The following CANX variants were observed in gnomAD, a reference collection of about 807,000 sequenced individuals.
The protein encoded by CANX is calnexin.
In CANX, 14 loss-of-function variants were observed where a neutral mutation model predicts 75.7. The observed-to-expected ratio is 0.19, with a 90% confidence interval of 0.12 to 0.29. The LOEUF is 0.29. CANX is among the 10% of genes least tolerant of loss of function. CANX has a pLI of 1.00. For missense variants in CANX, 567 were observed against 713.2 expected (o/e 0.79, Z 2.34); for synonymous variants, 227 against 236.9 (o/e 0.96, Z 0.38).
intron 7 of CANX, among the ~76,000 whole-genome samples, chr5:179,710,979 C>G (rs1336734879): frequency 6.6e-6 from 1 of 151,952 alleles, no homozygotes; most frequent in African/African-American, 2.4e-5. Flanking sequence ...TTACGTTAAC[C>G]CAGGAGGCAG....
chr5:179,682,302 C>T (rs1189428026), intron 1 of CANX, among the ~76,000 whole-genome samples: 8 of 150,910 alleles, frequency 5.3e-5, no homozygotes, highest in Non-Finnish European at 2.9e-5. Flanking sequence ...CCAGGCCGGG[C>T]ACGGTGGCTC....
rs749342610 is a variant in CANX, at chr5:179,705,659, A to G, written c.-3-20A>G. On this transcript the variant is annotated intron_variant, in intron 1 of 14. Coordinates refer to ENST00000247461, the MANE Select transcript of CANX (RefSeq NM_001746.4). ...TGATAGGTGGCAATACATTTAACTG[A>G]TTTTGCTCTTTATGTGTAGATCATG... is the stretch of plus-strand genomic sequence containing the variant. 1 of 1,595,272 alleles carries G rather than the reference A, an allele frequency of 6.3e-7. No individual in the cohort carries two copies. Among genetic ancestry groups the G allele is most frequent in the Non-Finnish European group, 8.6e-7 (1 of 1,166,232 alleles).
intron 1 of CANX, chr5:179,678,868 C>G (rs1251977504): frequency 1.3e-6 from 2 of 1,536,240 alleles, no homozygotes; most frequent in African/African-American, 2.7e-5. Context: ...GCGGCGACCG[C>G]GTCCTCGCCA....
At chr5:179,718,055 AGTACAGTGGTACG>A (rs1420745966) in intron 8 of CANX, among the ~76,000 whole-genome samples, 2 of 152,018 alleles carry the variant, frequency 1.3e-5, no homozygotes, top group Non-Finnish European at 2.9e-5. Flanking sequence ...CCCAGGTGGG[AGTACAGTGGTACG>A]GTCACGGCTC....
chr5:179,713,415 A>G (rs1165957772), intron 7 of CANX, among the ~76,000 whole-genome samples: 3 of 152,198 alleles, frequency 2.0e-5, no homozygotes, highest in Non-Finnish European at 4.4e-5. Flanking sequence ...TATTTAAGGT[A>G]TAGAAATTCA....
At chr5:179,709,748 C>CT (rs1475645906) in intron 6 of CANX, 125 bp from the exon 7 acceptor site, 2 of 591,002 alleles carry the variant, frequency 3.4e-6, no homozygotes, top group Non-Finnish European at 5.8e-6. Flanking sequence ...TTGTAGTTAG[C>CT]TTTTCCTTTA....
intron 14 of CANX, among the ~76,000 whole-genome samples, chr5:179,727,803 T>C (rs1778760870): frequency 6.6e-6 from 1 of 152,128 alleles, no homozygotes; most frequent in Non-Finnish European, 1.5e-5. Flanking sequence ...TGAGAACTAG[T>C]TGGAGATCTG....
chr5:179,695,505 T>C (rs1776381057), upstream of CANX, among the ~76,000 whole-genome samples: 1 of 151,176 alleles, frequency 6.6e-6, no homozygotes, highest in African/African-American at 2.4e-5. Context: ...AATTTTGTAT[T>C]TTTAGTAGAG....
upstream of CANX, among the ~76,000 whole-genome samples, chr5:179,693,548 C>T (rs1474382067): frequency 2.0e-5 from 3 of 152,124 alleles, no homozygotes; most frequent in African/African-American, 7.2e-5. Flanking sequence ...GTGGCACATG[C>T]CTGTAGTCCC....
chr5:179,699,184 G>A, intron 1 of CANX, 82 bp downstream of exon 1: 1 of 854,374 alleles, frequency 1.2e-6, no homozygotes, highest in South Asian at 4.8e-5. Context: ...GAGGGGTCGG[G>A]CGTGGCCGGC....
rs571792008 is a variant in CANX, at chr5:179,704,983, A to G, written c.-3-696A>G. On this transcript the variant is annotated intron_variant, in intron 1 of 14. Transcript: ENST00000247461. ...CATATTAAGCCTTAATATGAGAGGA[A>G]TTATCTTCTGTGTTAATTTTTTTTT... is the stretch of plus-strand genomic sequence containing the variant. Among the ~76,000 whole-genome samples the G allele has an allele frequency of 1.1e-4, 17 of 152,102 alleles. No individual in the cohort carries two copies. The South Asian group carries it at 2.1e-3, about 19-fold the overall frequency.
Position 179,708,312 on chromosome 5 carries a change from C to A in CANX, c.378C>A (p.Ala126=). 6.2e-7 allele frequency: 1 copy of A among 1,613,672 alleles called. No homozygotes were observed. Among genetic ancestry groups the A allele is most frequent in the Non-Finnish European group, 8.5e-7 (1 of 1,179,608 alleles). Residue 126 remains alanine, a synonymous_variant, in exon 5 of 15, where the codon GCC becomes GCA. Transcript: ENST00000247461. ...AAGGACTTGTGTTGATGTCTCGGGCCAAGCATCATGCCATCTCTGCTAAAC... is the reference window on the plus strand; with the variant it reads ...AAGGACTTGTGTTGATGTCTCGGGCAAAGCATCATGCCATCTCTGCTAAAC... The part of the protein sequence containing the change: ...GDKGLVLMSR[A]KHHAISAKLN...
upstream of CANX, chr5:179,698,396 C>T (rs1176387978): frequency 1.6e-6 from 2 of 1,222,442 alleles, no homozygotes; most frequent in Non-Finnish European, 2.1e-6. Context: ...AACTGCGGCG[C>T]CGGCTCACAC....
chr5:179,724,080 C>T lies in CANX; in HGVS notation c.1518+301C>T, dbSNP rs551467882. ...ATAAACTTAGATACCAAACTAGCCACTTGGGCAATAATCAGCTTTGCCTGC... is the reference window on the plus strand; with the variant it reads ...ATAAACTTAGATACCAAACTAGCCATTTGGGCAATAATCAGCTTTGCCTGC... On this transcript the variant is annotated intron_variant, in intron 12 of 14. Transcript: ENST00000247461. Among the ~76,000 whole-genome samples, 3 of 152,268 alleles carry T rather than the reference C, an allele frequency of 2.0e-5. No homozygotes were observed. The South Asian group carries it at 6.2e-4, about 32-fold the overall frequency.
chr5:179,708,475 T>C (rs919652911), intron 5 of CANX, 95 bp downstream of exon 5: 13 of 1,161,002 alleles, frequency 1.1e-5, no homozygotes, highest in Non-Finnish European at 1.6e-5. Flanking sequence ...ATTATGAGAT[T>C]ATATAAGTGG....
chr5:179,717,102 T>G (rs1778007537), intron 8 of CANX, among the ~76,000 whole-genome samples: 1 of 152,176 alleles, frequency 6.6e-6, no homozygotes. Context: ...CTTCACACAG[T>G]GACTCCAGAA....
At chr5:179,706,181 C>G in intron 2 of CANX, 77 bp from the exon 3 acceptor site, 1 of 855,236 alleles carries the variant, frequency 1.2e-6, no homozygotes, top group Non-Finnish European at 1.9e-6. Context: ...TGAAAGCAAA[C>G]CAGGAGAATA....
intron 1 of CANX, among the ~76,000 whole-genome samples, chr5:179,705,301 T>C (rs893258442): frequency 1.3e-5 from 2 of 152,226 alleles, no homozygotes; most frequent in Admixed American, 6.5e-5. Flanking sequence ...TATTTCATTG[T>C]AATGTTTTAA....
chr5:179,689,739 CTTTA>C (rs1257482619), intron 1 of CANX, among the ~76,000 whole-genome samples: 1 of 151,906 alleles, frequency 6.6e-6, no homozygotes, highest in African/African-American at 2.4e-5. Flanking sequence ...TCCTGGAAGT[CTTTA>C]TTTGATTATT....
Sources: allele counts gnomAD v4.1 joint callset (sites outside exome capture counted in the v4.1 genomes callset), GRCh38; gene constraint gnomAD v4.1.1; transcripts MANE v1.5; gene names NCBI Gene and HGNC (gene_info 2026-07-23, HGNC 2026-07-21).